Variants in MED12L observed in about 807,000 individuals in gnomAD.
The protein encoded by MED12L is mediator complex subunit 12L.
Under a neutral mutation model 281.3 loss-of-function variants are expected in MED12L, and 60 were observed. That is an observed-to-expected ratio of 0.21 (90% CI 0.17 to 0.26). The LOEUF is 0.26. Ranked by LOEUF, MED12L falls within the 10% of genes least tolerant of loss-of-function variation. The pLI is 1.00. For synonymous variants in MED12L, 974 were observed against 987.2 expected (o/e 0.99, Z 0.25); for missense variants, 2,146 against 2,680.9 (o/e 0.80, Z 4.41).
In MED12L at chr3:151,436,593, G is replaced by A. The variant is rs1720252465; in HGVS notation, c.*3789G>A. 1.3e-6 allele frequency: 1 copy of A among 799,504 alleles called. No individual in the cohort carries two copies. The highest frequency in any genetic ancestry group is 2.0e-6 in the Non-Finnish European group (1 of 493,896). The allele number at this position is 799,504 out of a possible 1,614,324, so 49.5% of individuals were successfully genotyped here. ...TCATTGTAAATTTAATACTGTAAAT[G>A]TATTCAAATTCATTTACATGCCTAT... On this transcript the variant is annotated 3_prime_UTR_variant, in exon 45 of 45. Coordinates refer to ENST00000687756, the MANE Select transcript of MED12L (RefSeq NM_001393769.1).
At chr3:151,181,576 CTTTTTTTTTTT>C (rs57658133) in intron 11 of MED12L, among the ~76,000 whole-genome samples, 29 of 47,078 alleles carry the variant, frequency 6.2e-4, no homozygotes, top group Non-Finnish European at 1.0e-3. Context: ...AGCTCATTGT[CTTTTTTTTTTT>C]TTTTTTTTTT....
At chr3:151,291,738 A>AT (rs1336638860) in intron 16 of MED12L, among the ~76,000 whole-genome samples, 2 of 152,168 alleles carry the variant, frequency 1.3e-5, no homozygotes, top group African/African-American at 4.8e-5. Flanking sequence ...ATTCCCATTG[A>AT]TGTTATTTAG....
intron 16 of MED12L, among the ~76,000 whole-genome samples, chr3:151,319,698 C>G (rs368763215): frequency 6.6e-6 from 1 of 151,960 alleles, no homozygotes; most frequent in Non-Finnish European, 1.5e-5. Flanking sequence ...TATTTACTGA[C>G]GACAGTAAAA....
At chr3:151,178,157 C>CAAAAAAAAAAAAAAAAAAAAAAAAAAA (rs10572929) in intron 11 of MED12L, among the ~76,000 whole-genome samples, 1 of 49,124 alleles carries the variant, frequency 2.0e-5, no homozygotes, top group East Asian at 6.4e-4. Context: ...GACTTGGTCT[C>CAAAAAAAAAAAAAAAAAAAAAAAAAAA]AAAAAAAAAA....
At chr3:151,155,293 GC>G (rs76493664) in intron 5 of MED12L, among the ~76,000 whole-genome samples, 6,267 of 152,352 alleles carry the variant, frequency 0.041, 173 homozygotes, top group Middle Eastern at 0.085. Flanking sequence ...CACAGAATGG[GC>G]TAAAGTTGGC....
At chr3:151,323,652 G>A (rs1458750634) in intron 16 of MED12L, among the ~76,000 whole-genome samples, 1 of 152,126 alleles carries the variant, frequency 6.6e-6, no homozygotes, top group Non-Finnish European at 1.5e-5. Context: ...TTCTCCATGT[G>A]GAATGAATTG....
chr3:151,185,010 T>C (rs564806199), intron 11 of MED12L, among the ~76,000 whole-genome samples: 306 of 152,212 alleles, frequency 2.0e-3, no homozygotes, highest in Non-Finnish European at 2.5e-3. Context: ...GTTGTTTTTT[T>C]CCCTTACTAT....
At chr3:151,293,637 TTACACACA>T (rs1559991902) in intron 16 of MED12L, among the ~76,000 whole-genome samples, 2 of 24,726 alleles carry the variant, frequency 8.1e-5, no homozygotes, top group South Asian at 2.1e-3. Flanking sequence ...AATGAAGCCC[TTACACACA>T]CACACACACA....
chr3:151,299,402 C>CTTTT (rs1559999735), intron 16 of MED12L, among the ~76,000 whole-genome samples: 149 of 7,192 alleles, frequency 0.021, no homozygotes, highest in African/African-American at 0.037. Flanking sequence ...TTTCTTTTCC[C>CTTTT]CTCCCCTCCC....
intron 16 of MED12L, among the ~76,000 whole-genome samples, chr3:151,243,738 C>A (rs372697869): frequency 8.2e-4 from 125 of 151,714 alleles, no homozygotes; most frequent in Admixed American, 3.5e-3. Flanking sequence ...CTAACATCAT[C>A]ATGACAGGAT....
intron 43 of MED12L, among the ~76,000 whole-genome samples, chr3:151,424,227 T>C (rs1718594787): frequency 6.6e-6 from 1 of 152,160 alleles, no homozygotes; most frequent in Admixed American, 6.5e-5. Flanking sequence ...AGAAGTAATA[T>C]TTATAGAAAG....
rs573419924 is a variant in MED12L at position 151,151,031 on chromosome 3, C to CTTTTTTTTTTTTTTTTTTTTTTTTTTTT, written c.557-5107_557-5106insTTTTTTTTTTTTTTTTTTTTTTTTTTTT. Among the ~76,000 whole-genome samples, 56 of 32,884 alleles carry CTTTTTTTTTTTTTTTTTTTTTTTTTTTT rather than the reference C, an allele frequency of 1.7e-3. 20 individuals are homozygous for CTTTTTTTTTTTTTTTTTTTTTTTTTTTT. Among genetic ancestry groups the CTTTTTTTTTTTTTTTTTTTTTTTTTTTT allele is most frequent in the Non-Finnish European group, 2.2e-3 (40 of 18,416 alleles). 21.6% of individuals were successfully genotyped at this position (32,884 alleles called of 152,430 possible). ...ATCATTTGTATGACTGCTGAAGTAGCTTTTTTTTTTTTTTTTTTTTTTTGA... is the reference window on the plus strand; with the variant it reads ...ATCATTTGTATGACTGCTGAAGTAGCTTTTTTTTTTTTTTTTTTTTTTTTTTTTTTTTTTTTTTTTTTTTTTTTTTTGA... On this transcript the variant is annotated intron_variant, in intron 5 of 44. Coordinates refer to ENST00000687756, the MANE Select transcript of MED12L (RefSeq NM_001393769.1).
chr3:151,183,394 C>G (rs1203586672), intron 11 of MED12L, among the ~76,000 whole-genome samples: 5 of 152,182 alleles, frequency 3.3e-5, no homozygotes, highest in African/African-American at 1.2e-4. Context: ...CAGCACTGAA[C>G]GCTCATGCAC....
intron 16 of MED12L, chr3:151,212,113 TAGAC>T (rs1047768497): frequency 6.6e-5 from 10 of 152,152 alleles, no homozygotes; most frequent in South Asian, 2.1e-4. Context: ...TAAGAAAAAA[TAGAC>T]AGTATTAAAA....
At chr3:151,204,054 AG>A (rs2149170329) in intron 16 of MED12L, among the ~76,000 whole-genome samples, 1 of 152,340 alleles carries the variant, frequency 6.6e-6, no homozygotes, top group South Asian at 2.1e-4. Flanking sequence ...GTTTGAAAGA[AG>A]CCTAGCATGC....
At chr3:151,201,973 G>A (rs962285724) in intron 16 of MED12L, among the ~76,000 whole-genome samples, 1 of 152,194 alleles carries the variant, frequency 6.6e-6, no homozygotes, top group African/African-American at 2.4e-5. Flanking sequence ...ATGGTAAAGA[G>A]AAGAATTAGA....
intron 3 of MED12L, among the ~76,000 whole-genome samples, chr3:151,118,991 A>C (rs1031751544): frequency 1.2e-4 from 18 of 152,142 alleles, no homozygotes; most frequent in Non-Finnish European, 2.2e-4. Flanking sequence ...CCGGCCTCAG[A>C]GCCTTACCAT....
At chr3:151,146,770 C>T (rs75132760) in intron 5 of MED12L, among the ~76,000 whole-genome samples, 2,802 of 152,238 alleles carry the variant, frequency 0.018, 90 homozygotes, top group African/African-American at 0.065. Context: ...TAATGTATCA[C>T]GCTGTGTCAT....
At chr3:151,123,210 T>G (rs1714022670) in intron 4 of MED12L, among the ~76,000 whole-genome samples, 1 of 152,188 alleles carries the variant, frequency 6.6e-6, no homozygotes, top group Non-Finnish European at 1.5e-5. Flanking sequence ...TTTATGTGGA[T>G]TTTAGGTAGA....
Sources: gnomAD v4.1 joint callset for allele counts (sites outside exome capture counted in the v4.1 genomes callset) on GRCh38, gnomAD v4.1.1 for gene constraint, MANE v1.5 for transcripts, NCBI Gene and HGNC (gene_info 2026-07-23, HGNC 2026-07-21) for gene names.